ICA1: variants seen among roughly 807,000 people sequenced by gnomAD.
ICA1 encodes the protein 69 kDa islet cell autoantigen.
A neutral mutation model predicts 71.0 loss-of-function variants in ICA1; 40 were observed. That is an observed-to-expected ratio of 0.56 (90% CI 0.44 to 0.73). The LOEUF (loss-of-function observed/expected upper bound fraction) is 0.73, where lower values mean the gene tolerates loss of function less well. Ranked by LOEUF, ICA1 falls within the 30% of genes least tolerant of loss-of-function variation. ICA1 has a pLI of 0.00. For missense variants in ICA1, 578 were observed against 576.5 expected (o/e 1.00, Z -0.03); for synonymous variants, 207 against 209.5 (o/e 0.99, Z 0.10).
intron 8 of ICA1, among the ~76,000 whole-genome samples, chr7:8,145,735 T>A (rs6969889): frequency 0.71 from 101,049 of 141,466 alleles, 37,253 homozygotes; most frequent in East Asian, 0.95. Flanking sequence ...ACTTGTATGA[T>A]TGGAATCATT....
Position 8,136,066 on chromosome 7 carries a change from T to A in ICA1, c.1060+2774A>T, listed in dbSNP as rs1487113778. Among the ~76,000 whole-genome samples the A allele has an allele frequency of 2.0e-5, 3 of 152,312 alleles. No individual in the cohort carries two copies. The East Asian group carries it at 5.8e-4, about 29-fold the overall frequency. ...CACTAACTTTTTTACTTAAAATAGT[T>A]TTATAAACTGTGGTCAAATATTGGT... On this transcript the variant is annotated intron_variant, in intron 12 of 13. Transcript: ENST00000402384.
intron 6 of ICA1, among the ~76,000 whole-genome samples, chr7:8,183,869 A>G (rs1783036182): frequency 6.6e-6 from 1 of 152,220 alleles, no homozygotes; most frequent in South Asian, 2.1e-4. Flanking sequence ...TCTACTCTTA[A>G]GGAAATTTCA....
intron 1 of ICA1, among the ~76,000 whole-genome samples, chr7:8,237,819 GACACACACACACACACACACACACAC>G (rs57343882): frequency 5.1e-4 from 73 of 142,168 alleles, no homozygotes; most frequent in Non-Finnish European, 9.9e-4. Context: ...GTTGAAGACA[GACACACACACACACACACACACACAC>G]ACACACACCA....
At chr7:8,256,290 C>T (rs1563228480) in intron 1 of ICA1, among the ~76,000 whole-genome samples, 1 of 152,282 alleles carries the variant, frequency 6.6e-6, no homozygotes, top group Admixed American at 6.5e-5. Flanking sequence ...GTTTTAATTG[C>T]TTTCTCTTGC....
chr7:8,140,280 G>A (rs981950874), intron 10 of ICA1, among the ~76,000 whole-genome samples: 18 of 152,266 alleles, frequency 1.2e-4, no homozygotes, highest in Admixed American at 2.6e-4. Context: ...TGGCCAACAA[G>A]AGCAGGCCCA....
chr7:8,146,157 A>T (rs1189286774), intron 8 of ICA1, among the ~76,000 whole-genome samples: 4 of 152,230 alleles, frequency 2.6e-5, no homozygotes, highest in Non-Finnish European at 5.9e-5. Flanking sequence ...AACACGACAG[A>T]CAAAATTATT....
intron 6 of ICA1, among the ~76,000 whole-genome samples, chr7:8,164,322 A>G (rs1805068733): frequency 6.6e-6 from 1 of 151,604 alleles, no homozygotes; most frequent in South Asian, 2.1e-4. Context: ...AAAAAAAAAA[A>G]AAAAAAAGAA....
chr7:8,134,675 C>G (rs1792722610), intron 12 of ICA1, among the ~76,000 whole-genome samples: 1 of 152,102 alleles, frequency 6.6e-6, no homozygotes, highest in South Asian at 2.1e-4. Flanking sequence ...AGGAAAACAC[C>G]TTACGAAAAT....
intron 6 of ICA1, among the ~76,000 whole-genome samples, chr7:8,206,734 A>G (rs1211071401): frequency 1.8e-4 from 1 of 5,600 alleles, no homozygotes; most frequent in Admixed American, 2.1e-3. Context: ...GTTTAAAATG[A>G]AAAAAAAAAA....
At chr7:8,249,363 G>A (rs904631329) in intron 1 of ICA1, among the ~76,000 whole-genome samples, 9 of 152,228 alleles carry the variant, frequency 5.9e-5, no homozygotes, top group African/African-American at 2.2e-4. Flanking sequence ...CCAGTGGTGT[G>A]TGTAACTAAC....
intron 6 of ICA1, among the ~76,000 whole-genome samples, chr7:8,184,777 A>C (rs1422631741): frequency 6.6e-6 from 1 of 152,232 alleles, no homozygotes; most frequent in Non-Finnish European, 1.5e-5. Context: ...AAATATTTTT[A>C]AGATAGAAAA....
chr7:8,162,592 A>T (rs116616480), intron 6 of ICA1, among the ~76,000 whole-genome samples: 17 of 152,064 alleles, frequency 1.1e-4, no homozygotes, highest in African/African-American at 3.9e-4. Flanking sequence ...CTTGATTATT[A>T]TTCCTCTCAA....
At chr7:8,142,533 G>A (rs1251334920) in intron 9 of ICA1, among the ~76,000 whole-genome samples, 4 of 152,142 alleles carry the variant, frequency 2.6e-5, no homozygotes, top group Non-Finnish European at 5.9e-5. Flanking sequence ...CCAAGTAAAG[G>A]TGAATGCTTT....
At chr7:8,237,557 A>G (rs1802243855) in intron 1 of ICA1, among the ~76,000 whole-genome samples, 1 of 152,160 alleles carries the variant, frequency 6.6e-6, no homozygotes, top group Non-Finnish European at 1.5e-5. Flanking sequence ...TTCATCTTGC[A>G]TGATGGAAAT....
chr7:8,242,812 T>C (rs1307957565), intron 1 of ICA1, among the ~76,000 whole-genome samples: 1 of 152,178 alleles, frequency 6.6e-6, no homozygotes, highest in Non-Finnish European at 1.5e-5. Context: ...CTAGAAAATC[T>C]AGAAGAAATG....
intron 5 of ICA1, among the ~76,000 whole-genome samples, chr7:8,220,430 A>C (rs887478123): frequency 4.6e-5 from 7 of 152,218 alleles, no homozygotes; most frequent in Non-Finnish European, 5.9e-5. Context: ...TAACAGAAGA[A>C]AATGTTGGAC....
At chr7:8,247,738 T>C (rs1437009833) in intron 1 of ICA1, among the ~76,000 whole-genome samples, 1 of 152,220 alleles carries the variant, frequency 6.6e-6, no homozygotes, top group Non-Finnish European at 1.5e-5. Flanking sequence ...TCCACTGCAA[T>C]GAACGCTTGT....
rs1157083410 is a variant in ICA1, at chr7:8,141,728, A to G, written c.955+37T>C. 2.7e-5 allele frequency: 35 copies of G among 1,312,612 alleles called. 1 individual carries two copies. Among genetic ancestry groups the G allele is most frequent in the Non-Finnish European group, 3.6e-5 (33 of 926,962 alleles). The allele number at this position is 1,312,612 out of a possible 1,614,324, so 81.3% of individuals were successfully genotyped here. ...ACTTGGCTGTTAAGCATTAAGTAAT[A>G]TTTCAGAAGCAATTCTAAATAAAAA... On this transcript the variant is annotated intron_variant, in intron 10 of 13. Coordinates refer to ENST00000402384, the MANE Select transcript of ICA1 (RefSeq NM_001136020.3).
chr7:8,189,086 G>A (rs17144537), intron 6 of ICA1, among the ~76,000 whole-genome samples: 7,771 of 152,178 alleles, frequency 0.051, 303 homozygotes, highest in East Asian at 0.13. Flanking sequence ...AGCTTTTACA[G>A]AACCCAGTGC....
Sources: allele counts gnomAD v4.1 joint callset (sites outside exome capture counted in the v4.1 genomes callset), GRCh38; gene constraint gnomAD v4.1.1; transcripts MANE v1.5; gene names NCBI Gene and HGNC (gene_info 2026-07-23, HGNC 2026-07-21).